SGF29: variants seen among roughly 807,000 people sequenced by gnomAD.
SGF29 encodes the protein SAGA complex associated factor 29, also known as SAGA-associated factor 29.
SGF29 carries 15 observed loss-of-function variants against 38.1 expected under a neutral mutation model. The ratio of observed to expected loss-of-function variants is 0.39; its 90% CI spans 0.26 to 0.61. SGF29 has a LOEUF of 0.61. SGF29 is among the 20% of genes least tolerant of loss of function. The pLI is 0.49. For missense variants in SGF29, 184 were observed against 394.6 expected, an observed-to-expected ratio of 0.47 and a Z score of 4.52; for synonymous variants, 151 against 160.8, an observed-to-expected ratio of 0.94 and a Z score of 0.46.
chr16:28,564,032 C>T (rs535557936), intron 1 of SGF29, among the ~76,000 whole-genome samples: 35 of 152,264 alleles, frequency 2.3e-4, no homozygotes, highest in African/African-American at 7.7e-4. Context: ...GAGGCTTAAG[C>T]CACTGTGCCT....
chr16:28,590,830 G>A lies in SGF29; in HGVS notation c.660G>A (p.Pro220=), dbSNP rs766406291. The A allele has an allele frequency of 1.2e-5, 19 of 1,614,024 alleles. No homozygotes were observed. The highest frequency in any genetic ancestry group is 5.3e-5 in the African/African-American group (4 of 75,030). Residue 220 remains proline, a synonymous_variant, in exon 9 of 10, where the codon CCG becomes CCA. Coordinates refer to ENST00000317058, the MANE Select transcript of SGF29 (RefSeq NM_138414.3). The surrounding 1 kb of genome is among the most constrained non-coding windows in gnomAD (Gnocchi z 8.2). Reference sequence around the variant, plus strand: ...CGCTGCCCCAGTGGAAGGCCAACCCGGAGACGGACCCTGAGGCCTTGTTCC... The same window carrying A: ...CGCTGCCCCAGTGGAAGGCCAACCCAGAGACGGACCCTGAGGCCTTGTTCC... ...VIPLPQWKAN[P]ETDPEALFQK...
chr16:28,558,076 T>C (rs1396687739), intron 1 of SGF29, among the ~76,000 whole-genome samples: 1 of 143,926 alleles, frequency 6.9e-6, no homozygotes, highest in Non-Finnish European at 1.5e-5. Context: ...TCCTGAAAGC[T>C]GGGACTACAG....
intron 1 of SGF29, among the ~76,000 whole-genome samples, chr16:28,556,997 T>C (rs2046756940): frequency 6.6e-6 from 1 of 152,096 alleles, no homozygotes. Flanking sequence ...GATGTGAGTG[T>C]GGGGTATTAG....
At chr16:28,581,172 G>C in intron 2 of SGF29, 28 bp downstream of exon 2, 1 of 1,603,588 alleles carries the variant, frequency 6.2e-7, no homozygotes, top group African/African-American at 1.3e-5. Context: ...TCCATTCCCA[G>C]ATGGGAACAT....
chr16:28,564,779 A>ATATATG (rs2046826239), intron 1 of SGF29, among the ~76,000 whole-genome samples: 2 of 126,780 alleles, frequency 1.6e-5, no homozygotes, highest in South Asian at 4.7e-4. Flanking sequence ...ATATGTATAT[A>ATATATG]TATATATACA....
chr16:28,556,408 C>T (rs1004066012), intron 1 of SGF29, among the ~76,000 whole-genome samples: 2 of 151,860 alleles, frequency 1.3e-5, no homozygotes, highest in East Asian at 1.9e-4. Flanking sequence ...ATTGCAATGG[C>T]GCAATCATGG....
At chr16:28,569,119 GAAAT>G (rs751208126) in intron 1 of SGF29, among the ~76,000 whole-genome samples, 94 of 152,070 alleles carry the variant, frequency 6.2e-4, no homozygotes, top group Non-Finnish European at 1.3e-3. Flanking sequence ...AAGAAAGAAA[GAAAT>G]AAAAATAAAA....
At chr16:28,566,577 C>T (rs2046837309) in intron 1 of SGF29, among the ~76,000 whole-genome samples, 1 of 151,748 alleles carries the variant, frequency 6.6e-6, no homozygotes, top group Admixed American at 6.6e-5. Flanking sequence ...TCACTTTGGG[C>T]TCAGGAGTTC....
intron 4 of SGF29, among the ~76,000 whole-genome samples, chr16:28,586,410 A>G (rs1359315548): frequency 6.6e-6 from 1 of 151,630 alleles, no homozygotes; most frequent in Non-Finnish European, 1.5e-5. Context: ...GTGGTGGCGC[A>G]CGCTACTTGG....
chr16:28,556,492 C>T (rs2046752366), intron 1 of SGF29, among the ~76,000 whole-genome samples: 1 of 152,206 alleles, frequency 6.6e-6, no homozygotes. Flanking sequence ...TGATTACAGG[C>T]ATGTGCCACC....
intron 1 of SGF29, among the ~76,000 whole-genome samples, chr16:28,559,322 A>G (rs1355504426): frequency 1.3e-5 from 2 of 152,166 alleles, no homozygotes; most frequent in East Asian, 3.8e-4. Flanking sequence ...CCCTGTCTCA[A>G]ATAAGTAGAT....
chr16:28,554,711 TACC>T, intron 1 of SGF29, among the ~76,000 whole-genome samples: 2 of 152,134 alleles, frequency 1.3e-5, no homozygotes, highest in South Asian at 4.1e-4. Context: ...GGCCTTAGTC[TACC>T]CTCACTAATG....
intron 1 of SGF29, among the ~76,000 whole-genome samples, chr16:28,566,673 C>T (rs1203136011): frequency 6.7e-6 from 1 of 150,200 alleles, no homozygotes; most frequent in Non-Finnish European, 1.5e-5. Context: ...CCCAGCTACT[C>T]AGGAGGCTGA....
intron 1 of SGF29, among the ~76,000 whole-genome samples, chr16:28,557,213 CTA>C (rs1425489643): frequency 6.6e-6 from 1 of 152,162 alleles, no homozygotes; most frequent in Admixed American, 6.5e-5. Flanking sequence ...TCAGAATTGG[CTA>C]TCTCTTCAGA....
At chr16:28,591,469 G>A (rs1259445188) in intron 9 of SGF29, 121 bp from the exon 10 acceptor site, 11 of 728,998 alleles carry the variant, frequency 1.5e-5, no homozygotes, top group African/African-American at 8.7e-5. Flanking sequence ...CAGAGTGAAG[G>A]ATGTTAGGAG....
At position 28,590,264 on chromosome 16, in the gene SGF29, G is replaced by A; in HGVS notation, c.420-32G>A. On this transcript the variant is annotated intron_variant, in intron 6 of 9. Coordinates refer to ENST00000317058, the MANE Select transcript of SGF29 (RefSeq NM_138414.3). The surrounding 1 kb of genome is among the most constrained non-coding windows in gnomAD (Gnocchi z 8.2). ...CTGCGAGGGAGGGGCTGGTGCCCAGGGGCTGGGACTGACCCTTTGTTCCAC... is the reference window on the plus strand; with the variant it reads ...CTGCGAGGGAGGGGCTGGTGCCCAGAGGCTGGGACTGACCCTTTGTTCCAC... 1 of 1,608,518 alleles carries A rather than the reference G, an allele frequency of 6.2e-7. No homozygotes were observed. Among genetic ancestry groups the A allele is most frequent in the Non-Finnish European group, 8.5e-7 (1 of 1,177,760 alleles).
intron 1 of SGF29, among the ~76,000 whole-genome samples, chr16:28,557,298 A>G (rs1010719363): frequency 2.0e-5 from 3 of 152,206 alleles, no homozygotes; most frequent in African/African-American, 7.2e-5. Flanking sequence ...TGACTAGCCT[A>G]AGCTGAAAGG....
intron 1 of SGF29, among the ~76,000 whole-genome samples, chr16:28,574,391 T>C (rs918697710): frequency 6.6e-6 from 1 of 152,226 alleles, no homozygotes; most frequent in African/African-American, 2.4e-5. Flanking sequence ...GATGCCCATC[T>C]GAGGCTTTCT....
intron 1 of SGF29, 104 bp from the exon 2 acceptor site, chr16:28,580,951 G>T (rs1028385046): frequency 2.3e-6 from 2 of 861,942 alleles, no homozygotes; most frequent in Admixed American, 2.1e-5. Context: ...AAAGTGCTGG[G>T]ATTACAGCAT....
Sources: allele counts gnomAD v4.1 joint callset (sites outside exome capture counted in the v4.1 genomes callset), GRCh38; gene constraint gnomAD v4.1.1; non-coding constraint Gnocchi (gnomAD v3.1); transcripts MANE v1.5; gene names NCBI Gene and HGNC (gene_info 2026-07-23, HGNC 2026-07-21).